Variants in SSH3 observed in about 807,000 individuals in gnomAD.
The protein encoded by SSH3 is slingshot protein phosphatase 3, also known as protein phosphatase Slingshot homolog 3.
SSH3 carries 67 observed loss-of-function variants against 75.0 expected under a neutral mutation model. The ratio of observed to expected loss-of-function variants is 0.89; its 90% CI spans 0.73 to 1.10. The LOEUF (loss-of-function observed/expected upper bound fraction) is 1.10, where lower values mean the gene tolerates loss of function less well. SSH3 is among the 50% of genes least tolerant of loss of function. The pLI, the probability that SSH3 is intolerant of heterozygous loss-of-function variation, is 0.00. For missense variants in SSH3, 824 were observed against 872.7 expected (o/e 0.94, Z 0.70); for synonymous variants, 318 against 349.2 (o/e 0.91, Z 1.00).
chr11:67,305,431 G>A (rs1296724742), intron 3 of SSH3, among the ~76,000 whole-genome samples: 3 of 152,076 alleles, frequency 2.0e-5, no homozygotes, highest in Non-Finnish European at 4.4e-5. Flanking sequence ...CTCGTGATCC[G>A]CCTGCCTCGG....
Position 67,307,369 on chromosome 11 carries a change from A to T in SSH3, c.537-2A>T. 6.2e-7 allele frequency: 1 copy of T among 1,613,844 alleles called. No homozygotes were observed. The highest frequency in any genetic ancestry group is 8.5e-7 in the Non-Finnish European group (1 of 1,179,990). On this transcript the variant is annotated splice_acceptor_variant, in intron 5 of 13. Transcript: ENST00000308127. LOFTEE classifies it high-confidence loss of function. The surrounding 1 kb of genome is among the most constrained non-coding windows in gnomAD (Gnocchi z 4.2). ...GCCTCACCTGTGCCTGGTCTCCTGC[A>T]GGGGCTTCAGCGTGACGTCTGGTGG...
At chr11:67,304,206 C>T in intron 2 of SSH3, 51 bp downstream of exon 2, 1 of 1,422,080 alleles carries the variant, frequency 7.0e-7, no homozygotes, top group Non-Finnish European at 9.7e-7. Context: ...CGGGCCTGGC[C>T]ACGGCCGTCC....
chr11:67,309,628 G>C, intron 11 of SSH3, 85 bp downstream of exon 11: 1 of 1,576,592 alleles, frequency 6.3e-7, no homozygotes, highest in Non-Finnish European at 8.6e-7. Flanking sequence ...GCCATCAGCT[G>C]TGCCATTCCT....
chr11:67,305,103 T>G lies in SSH3; in HGVS notation c.339+96T>G, dbSNP rs567204945. The G allele has an allele frequency of 6.6e-5, 83 of 1,251,604 alleles. 1 individual carries two copies. The South Asian group carries it at 1.1e-3, about 17-fold the overall frequency. 77.5% of individuals were successfully genotyped at this position (1,251,604 alleles called of 1,614,324 possible). On this transcript the variant is annotated intron_variant, in intron 3 of 13. Transcript: ENST00000308127. ...TATGTGTCTGCTTGGGGAGCAATGG[T>G]GTGAGGGCAGGGGGCAGCCTGGGGA... is the stretch of plus-strand genomic sequence containing the variant.
rs1267437121 is a variant in SSH3 at position 67,308,201 on chromosome 11, G to A, written c.913G>A (p.Gly305Arg). 6.2e-7 allele frequency: 1 copy of A among 1,613,910 alleles called. No homozygotes were observed. Among genetic ancestry groups the A allele is most frequent in the Non-Finnish European group, 8.5e-7 (1 of 1,179,990 alleles). ...CCGCCAGGCTCTGGAGCTGCGCCTG[G>A]GGCTCCCCCTCCAGCAGTACCGTGA... is the stretch of plus-strand genomic sequence containing the variant. ...EIRQALELRL[G>R]LPLQQYRDFI... The change falls in exon 9 of 14, where the codon GGG (glycine) becomes AGG (arginine). Residue 305 changes from glycine to arginine, a missense_variant. Coordinates refer to ENST00000308127, the MANE Select transcript of SSH3 (RefSeq NM_017857.4). This position sits in a 1 kb window ranked among gnomAD's most constrained non-coding sequence, Gnocchi z 4.9.
chr11:67,311,769 AGCAGGAGCAGGG>A lies in SSH3; in HGVS notation c.1868_1879del (p.Glu623_Gln626del), dbSNP rs1395494639. 2 of 1,613,742 alleles carry A rather than the reference AGCAGGAGCAGGG, an allele frequency of 1.2e-6. No homozygotes were observed. The highest frequency in any genetic ancestry group is 1.3e-5 in the African/African-American group (1 of 74,998). On this transcript the variant is annotated inframe_deletion, in exon 14 of 14. Transcript: ENST00000308127. ...GCCAACCGGACCCAGGCCTTCCAGG[AGCAGGAGCAGGG>A]GCAGGGGCAGGGGCAGGGAGAGCCC...
intron 3 of SSH3, among the ~76,000 whole-genome samples, chr11:67,306,526 C>T (rs905479471): frequency 4.0e-5 from 6 of 151,878 alleles, no homozygotes; most frequent in Non-Finnish European, 7.4e-5. Context: ...ATGTGAGCCT[C>T]GGAGTTCGGG....
At position 67,309,465 on chromosome 11, in the gene SSH3, A is replaced by G. The variant is rs934851612; in HGVS notation, c.1130A>G (p.Asn377Ser). The G allele has an allele frequency of 2.5e-6, 4 of 1,613,896 alleles. No homozygotes were observed. The highest frequency in any genetic ancestry group is 2.2e-5 in the East Asian group (1 of 44,864). The stretch of plus-strand genomic sequence containing the variant: ...TACCCTGAGCGCTTCACCTACCACA[A>G]TGTGCGCCTCTGGGATGAGGAGTCG... Reference protein sequence around the residue: ...NFYPERFTYHNVRLWDEESAQ... With the variant: ...NFYPERFTYHSVRLWDEESAQ... Residue 377 changes from asparagine to serine, a missense_variant, in exon 11 of 14, where the codon AAT (asparagine) becomes AGT (serine). Coordinates refer to ENST00000308127, the MANE Select transcript of SSH3 (RefSeq NM_017857.4).
intron 13 of SSH3, 62 bp from the exon 14 acceptor site, chr11:67,311,529 T>G: frequency 6.3e-7 from 1 of 1,597,014 alleles, no homozygotes; most frequent in Non-Finnish European, 8.5e-7. Context: ...CCCGGCTCTG[T>G]GCTTGGGCAC....
intron 3 of SSH3, among the ~76,000 whole-genome samples, chr11:67,305,931 T>C (rs1861227428): frequency 2.0e-5 from 3 of 152,080 alleles, no homozygotes; most frequent in Non-Finnish European, 4.4e-5. Context: ...TAATATTTCT[T>C]TGGTGATAAA....
Position 67,308,537 on chromosome 11 carries a change from C to G in SSH3, c.1061+79C>G. On this transcript the variant is annotated intron_variant, in intron 10 of 13. Coordinates refer to ENST00000308127, the MANE Select transcript of SSH3 (RefSeq NM_017857.4). The surrounding 1 kb of genome is among the most constrained non-coding windows in gnomAD (Gnocchi z 4.9). ...CCCCGCATTGGGTGGTAGCCAGCTTCAAAAACCCCTGGACCACCCTCAGCA... is the reference window on the plus strand; with the variant it reads ...CCCCGCATTGGGTGGTAGCCAGCTTGAAAAACCCCTGGACCACCCTCAGCA... 6.5e-7 allele frequency: 1 copy of G among 1,530,136 alleles called. No individual in the cohort carries two copies. The highest frequency in any genetic ancestry group is 2.0e-5 in the Admixed American group (1 of 50,572). 94.8% of individuals were successfully genotyped at this position (1,530,136 alleles called of 1,614,324 possible). A position where few individuals can be genotyped will look rare whatever the true frequency, so the allele number is the denominator to read the frequency against.
chr11:67,310,251 TA>T lies in SSH3; in HGVS notation c.1598del (p.Asn533ThrfsTer6). On this transcript the variant is annotated frameshift_variant, in exon 13 of 14. Coordinates refer to ENST00000308127, the MANE Select transcript of SSH3 (RefSeq NM_017857.4). Reference protein sequence around the residue: ...PKEEPGPRPRINLRGVMRSIS... With the variant: ...PKEEPGPRPRXNLRGVMRSIS... The stretch of plus-strand genomic sequence containing the variant: ...GAAGAGCCTGGGCCACGGCCACGTA[TA>T]AACCTCCGAGGGGTCATGAGGTCCA... The T allele has an allele frequency of 6.2e-7, 1 of 1,614,158 alleles. No individual in the cohort carries two copies.
At position 67,304,755 on chromosome 11, in the gene SSH3, T is replaced by C; in HGVS notation, c.105-18T>C. On this transcript the variant is annotated intron_variant, in intron 2 of 13. Transcript: ENST00000308127. ...AAGGGGAATGAGGAGCCATGACAGT[T>C]GCCCACTGCCCTGCCAGGCAGAGCT... 3.2e-6 allele frequency: 5 copies of C among 1,581,972 alleles called. No homozygotes were observed. Among genetic ancestry groups the C allele is most frequent in the Non-Finnish European group, 4.3e-6 (5 of 1,164,312 alleles).
intron 3 of SSH3, among the ~76,000 whole-genome samples, chr11:67,306,533 C>T (rs1381776459): frequency 6.6e-6 from 1 of 151,780 alleles, no homozygotes; most frequent in Non-Finnish European, 1.5e-5. Flanking sequence ...CCTCGGAGTT[C>T]GGGGCTACAG....
At chr11:67,304,055 TGA>T in intron 1 of SSH3, 61 bp from the exon 2 acceptor site, 1 of 1,529,386 alleles carries the variant, frequency 6.5e-7, no homozygotes, top group South Asian at 1.2e-5. Flanking sequence ...CTAGAATTCC[TGA>T]GAGAGGGGAG....
chr11:67,308,085 G>A lies in SSH3; in HGVS notation c.886-89G>A. The A allele has an allele frequency of 6.3e-7, 1 of 1,587,476 alleles. No individual in the cohort carries two copies. The highest frequency in any genetic ancestry group is 1.2e-5 in the South Asian group (1 of 86,544). On this transcript the variant is annotated intron_variant, in intron 8 of 13. Coordinates refer to ENST00000308127, the MANE Select transcript of SSH3 (RefSeq NM_017857.4). This position sits in a 1 kb window ranked among gnomAD's most constrained non-coding sequence, Gnocchi z 4.9. Reference sequence around the variant, plus strand: ...GGCCCTAATCCATCTAGATGGGATAGGGTGCTGTCCTCAGAGGTCCCAGAG... The same window carrying A: ...GGCCCTAATCCATCTAGATGGGATAAGGTGCTGTCCTCAGAGGTCCCAGAG...
chr11:67,304,788 G>T lies in SSH3; in HGVS notation c.120G>T (p.Val40=). 1 of 1,606,718 alleles carries T rather than the reference G, an allele frequency of 6.2e-7. No homozygotes were observed. The highest frequency in any genetic ancestry group is 2.2e-5 in the East Asian group (1 of 44,612). Residue 40 remains valine, a synonymous_variant, in exon 3 of 14, where the codon GTG becomes GTT. Coordinates refer to ENST00000308127, the MANE Select transcript of SSH3 (RefSeq NM_017857.4). ...SRLQRRQSFA[V]LRGAVLGLQD... ...GCCCTGCCAGGCAGAGCTTTGCGGT[G>T]CTCCGTGGGGCTGTCCTGGGACTGC...
chr11:67,310,519 C>T (rs904817112), intron 13 of SSH3, among the ~76,000 whole-genome samples, 180 bp downstream of exon 13: 2 of 152,204 alleles, frequency 1.3e-5, no homozygotes, highest in Non-Finnish European at 2.9e-5. Flanking sequence ...GCCTCCTTCA[C>T]AGTCAGCCCA....
Position 67,307,234 on chromosome 11 carries a change from C to G in SSH3, c.536+121C>G. On this transcript the variant is annotated intron_variant, in intron 5 of 13. Coordinates refer to ENST00000308127, the MANE Select transcript of SSH3 (RefSeq NM_017857.4). This position sits in a 1 kb window ranked among gnomAD's most constrained non-coding sequence, Gnocchi z 4.2. ...AGGCTGGGACTCTGGGGCCTGCTCC[C>G]AGCTCCACGTCAGATTCACCGTGAT... 3 of 1,554,032 alleles carry G rather than the reference C, an allele frequency of 1.9e-6. No homozygotes were observed. Among genetic ancestry groups the G allele is most frequent in the Admixed American group, 1.9e-5 (1 of 53,438 alleles).
Sources: gnomAD v4.1 joint callset for allele counts (sites outside exome capture counted in the v4.1 genomes callset) on GRCh38, gnomAD v4.1.1 for gene constraint, Gnocchi (gnomAD v3.1) non-coding constraint, MANE v1.5 for transcripts, NCBI Gene and HGNC (gene_info 2026-07-23, HGNC 2026-07-21) for gene names.